The following ZNF99 variants were observed in gnomAD, a reference collection of about 807,000 sequenced individuals.
ZNF99 encodes the protein zinc finger protein 99.
A neutral mutation model predicts 12.8 loss-of-function variants in ZNF99; 8 were observed. That is an observed-to-expected ratio of 0.62 (90% CI 0.37 to 1.13). The LOEUF (loss-of-function observed/expected upper bound fraction) is 1.13. ZNF99 is among the 50% of genes most tolerant of loss of function. ZNF99 has a pLI of 0.02. For missense variants in ZNF99, 1,007 were observed against 1,006.2 expected (o/e 1.00, Z -0.01); for synonymous variants, 318 against 319.0 (o/e 1.00, Z 0.03).
intron 3 of ZNF99, 146 bp from the exon 4 acceptor site, chr19:22,759,828 A>G (rs1973130995): frequency 5.3e-6 from 3 of 562,784 alleles, no homozygotes; most frequent in Non-Finnish European, 8.7e-6. Context: ...ATAGACATAT[A>G]AATGTAATAA....
In ZNF99 at chr19:22,754,766, T is replaced by TC; in HGVS notation, c.*2547_*2548insG. The TC allele has an allele frequency of 4.5e-6, 1 of 223,280 alleles. No homozygotes were observed. Among genetic ancestry groups the TC allele is most frequent in the Non-Finnish European group, 9.0e-6 (1 of 110,514 alleles). The allele number at this position is 223,280 out of a possible 1,614,324, so 13.8% of individuals were successfully genotyped here. On this transcript the variant is annotated 3_prime_UTR_variant, in exon 4 of 4. Coordinates refer to ENST00000596209, the MANE Select transcript of ZNF99 (RefSeq NM_001080409.3). ...TAGGGTTTCTCTTCAGTATAAATTG[T>TC]TTATTAAGAATTGAAGAATTAGGCT...
Position 22,756,909 on chromosome 19 carries a change from A to C in ZNF99, c.*405T>G. ...TACAGTATGAATTACCTTATGTTCC[A>C]TAAGTTTTGAGACCACTTAAAAGCT... On this transcript the variant is annotated 3_prime_UTR_variant, in exon 4 of 4. Coordinates refer to ENST00000596209, the MANE Select transcript of ZNF99 (RefSeq NM_001080409.3). 1.9e-6 allele frequency: 3 copies of C among 1,604,252 alleles called. No individual in the cohort carries two copies. The highest frequency in any genetic ancestry group is 2.6e-6 in the Non-Finnish European group (3 of 1,175,880).
At chr19:22,780,708 AT>A (rs1343895016) in intron 1 of ZNF99, among the ~76,000 whole-genome samples, 1 of 151,916 alleles carries the variant, frequency 6.6e-6, no homozygotes, top group African/African-American at 2.4e-5. Context: ...AAAAAAAAAA[AT>A]CATGTAGCAA....
intron 3 of ZNF99, among the ~76,000 whole-genome samples, chr19:22,765,329 G>T (rs1973192283): frequency 1.3e-5 from 2 of 152,172 alleles, no homozygotes; most frequent in South Asian, 4.2e-4. Flanking sequence ...TTGGGGACTT[G>T]GGGGGAAGAG....
chr19:22,776,278 G>GAGGCGA (rs928842545), intron 1 of ZNF99, among the ~76,000 whole-genome samples: 2 of 150,328 alleles, frequency 1.3e-5, no homozygotes, highest in Non-Finnish European at 3.0e-5. Flanking sequence ...TTGAACCCAG[G>GAGGCGA]AGGCGAAGGT....
At chr19:22,762,795 TG>T (rs1191756886) in intron 3 of ZNF99, among the ~76,000 whole-genome samples, 2 of 152,142 alleles carry the variant, frequency 1.3e-5, no homozygotes, top group African/African-American at 4.8e-5. Context: ...CATGATCAAG[TG>T]GGTTTCATAC....
At chr19:22,769,415 A>G (rs1321628397) in intron 1 of ZNF99, 91 bp from the exon 2 acceptor site, 7 of 1,406,486 alleles carry the variant, frequency 5.0e-6, no homozygotes, top group Non-Finnish European at 6.8e-6. Flanking sequence ...GAGAGTAAAG[A>G]GAACAGGTTC....
Position 22,758,730 on chromosome 19 carries a change from TC to T in ZNF99, c.1178del (p.Gly393AspfsTer25). The T allele has an allele frequency of 6.2e-7, 1 of 1,613,704 alleles. No individual in the cohort carries two copies. Among genetic ancestry groups the T allele is most frequent in the Non-Finnish European group, 8.5e-7 (1 of 1,179,780 alleles). ...ATTCTTCACATTTGTAGGGTTTCTGTCCAGTATGAATTATCTCATGTTTTCT... is the reference window on the plus strand; with the variant it reads ...ATTCTTCACATTTGTAGGGTTTCTGTCAGTATGAATTATCTCATGTTTTCT... Reference protein sequence around the residue: ...ALRKHEIIHTGQKPYKCEECG... With the variant: ...ALRKHEIIHTXQKPYKCEECG... On this transcript the variant is annotated frameshift_variant, in exon 4 of 4. Transcript: ENST00000596209. LOFTEE classifies it low-confidence loss of function (END_TRUNC).
At chr19:22,776,428 T>G (rs1207462093) in intron 1 of ZNF99, among the ~76,000 whole-genome samples, 21 of 29,782 alleles carry the variant, frequency 7.1e-4, no homozygotes, top group African/African-American at 3.0e-3. Context: ...TATATATATA[T>G]ATATATATAT....
intron 1 of ZNF99, chr19:22,773,787 G>C (rs556802340): frequency 2.0e-5 from 3 of 152,240 alleles, no homozygotes; most frequent in Admixed American, 6.5e-5. Context: ...TTGAGGCAGA[G>C]CTCACAGCTG....
chr19:22,759,002 G>A lies in ZNF99; in HGVS notation c.907C>T (p.His303Tyr). The change falls in exon 4 of 4, where the codon CAT becomes TAT. Residue 303 changes from histidine (H) to tyrosine (Y), a missense_variant. Coordinates refer to ENST00000596209, the MANE Select transcript of ZNF99 (RefSeq NM_001080409.3). ...TTCTCTCCAGTATGAATTGCTTTAT[G>A]TCTAGTAAGGTGTGAGGATTGCTTA... is the stretch of plus-strand genomic sequence containing the variant. ...AFKQSSHLTRHKAIHTGEKPY... is the reference protein window; with the variant it reads ...AFKQSSHLTRYKAIHTGEKPY... 6.2e-7 allele frequency: 1 copy of A among 1,613,802 alleles called. No individual in the cohort carries two copies. Among genetic ancestry groups the A allele is most frequent in the Non-Finnish European group, 8.5e-7 (1 of 1,179,870 alleles).
At chr19:22,764,837 CAG>C (rs1210404450) in intron 3 of ZNF99, among the ~76,000 whole-genome samples, 2 of 152,146 alleles carry the variant, frequency 1.3e-5, no homozygotes, top group Admixed American at 6.6e-5. Context: ...AATAAAAAAA[CAG>C]ATGTTGGTGT....
In ZNF99 at chr19:22,757,280, T is replaced by C. The variant is rs745877999; in HGVS notation, c.*34A>G. Reference sequence around the variant, plus strand: ...GGAATTGTTAAAAGCTTTGCCACATTCTTCACATTTGTAGGGTTTCTTTCC... The same window carrying C: ...GGAATTGTTAAAAGCTTTGCCACATCCTTCACATTTGTAGGGTTTCTTTCC... On this transcript the variant is annotated 3_prime_UTR_variant, in exon 4 of 4. Coordinates refer to ENST00000596209, the MANE Select transcript of ZNF99 (RefSeq NM_001080409.3). 1.3e-5 allele frequency: 21 copies of C among 1,611,160 alleles called. No individual in the cohort carries two copies. The highest frequency in any genetic ancestry group is 1.7e-6 in the Non-Finnish European group (2 of 1,178,378).
intron 1 of ZNF99, among the ~76,000 whole-genome samples, chr19:22,781,115 T>C (rs984111570): frequency 6.6e-6 from 1 of 152,182 alleles, no homozygotes; most frequent in Non-Finnish European, 1.5e-5. Context: ...CTGAAACCCA[T>C]CTCTTTTTTG....
chr19:22,758,113 C>A lies in ZNF99; in HGVS notation c.1796G>T (p.Gly599Val). 6.2e-7 allele frequency: 1 copy of A among 1,611,730 alleles called. No individual in the cohort carries two copies. The highest frequency in any genetic ancestry group is 8.5e-7 in the Non-Finnish European group (1 of 1,178,372). ...GGCTGAGAAGTGGTTAAAAGCTTTG[C>A]CACATTCTTCACATTTGTAGGGTTT... The part of the protein sequence containing the change: ...GEKPYKCEEC[G>V]KAFNHFSALR... The change falls in exon 4 of 4, where the codon GGC becomes GTC. Residue 599 changes from glycine (G) to valine (V), a missense_variant. By Grantham distance (109) the Gly-to-Val change is moderately radical. Coordinates refer to ENST00000596209, the MANE Select transcript of ZNF99 (RefSeq NM_001080409.3).
chr19:22,753,941 G>A lies in ZNF99; in HGVS notation c.*3373C>T, dbSNP rs1261097885. ...GCTTTGTGACATGACTCACATCTAGGGCTTCTTGACACTATGATTTCTTTT... is the reference window on the plus strand; with the variant it reads ...GCTTTGTGACATGACTCACATCTAGAGCTTCTTGACACTATGATTTCTTTT... On this transcript the variant is annotated 3_prime_UTR_variant, in exon 4 of 4. Coordinates refer to ENST00000596209, the MANE Select transcript of ZNF99 (RefSeq NM_001080409.3). The A allele has an allele frequency of 2.3e-6, 1 of 433,150 alleles. No homozygotes were observed. Among genetic ancestry groups the A allele is most frequent in the Non-Finnish European group, 4.7e-6 (1 of 214,082 alleles). 26.8% of individuals were successfully genotyped at this position (433,150 alleles called of 1,614,324 possible). A position where few individuals can be genotyped will look rare whatever the true frequency, so the allele number is the denominator to read the frequency against.
At position 22,757,463 on chromosome 19, in the gene ZNF99, A is replaced by T. The variant is rs878954375; in HGVS notation, c.2446T>A (p.Ser816Thr). The T allele has an allele frequency of 6.3e-7, 1 of 1,590,566 alleles. No homozygotes were observed. Among genetic ancestry groups the T allele is most frequent in the South Asian group, 1.1e-5 (1 of 90,312 alleles). ...KHEIIHTGEK[S>T]YKCEECGKAF... Reference sequence around the variant, plus strand: ...TTACCACATTCTTCACATTTGTAGGATTTCTCTCCAGTATGAATTATCTCA... The same window carrying T: ...TTACCACATTCTTCACATTTGTAGGTTTTCTCTCCAGTATGAATTATCTCA... The change falls in exon 4 of 4, where the codon TCC (serine) becomes ACC (threonine). Residue 816 changes from serine to threonine, a missense_variant. Coordinates refer to ENST00000596209, the MANE Select transcript of ZNF99 (RefSeq NM_001080409.3).
chr19:22,757,608 G>A lies in ZNF99; in HGVS notation c.2301C>T (p.Gly767=). The change falls in exon 4 of 4, where the codon GGC becomes GGT. Residue 767 remains glycine, a synonymous_variant. Transcript: ENST00000596209. ...AEKPCKCEEC[G]KAFKHFSALR... is the part of the protein sequence containing the mutation. ...GGGCTGAGAAATGCTTAAAAGCTTTGCCACATTCTTCACATTTGCAGGGTT... is the reference window on the plus strand; with the variant it reads ...GGGCTGAGAAATGCTTAAAAGCTTTACCACATTCTTCACATTTGCAGGGTT... 1 of 1,610,824 alleles carries A rather than the reference G, an allele frequency of 6.2e-7. No homozygotes were observed. Among genetic ancestry groups the A allele is most frequent in the Admixed American group, 1.7e-5 (1 of 59,882 alleles).
rs147985676 is a variant in ZNF99, at chr19:22,753,719, A to C, written c.*3595T>G. ...AATTGCATTTTTAATATTTGTTTTA[A>C]GTATAAACTCTGTGATGTTAAGATG... On this transcript the variant is annotated 3_prime_UTR_variant, in exon 4 of 4. Transcript: ENST00000596209. 6.3e-6 allele frequency: 1 copy of C among 158,040 alleles called. No individual in the cohort carries two copies. The highest frequency in any genetic ancestry group is 2.4e-5 in the African/African-American group (1 of 41,638). The allele number at this position is 158,040 out of a possible 1,614,324, so 9.8% of individuals were successfully genotyped here. A position where few individuals can be genotyped will look rare whatever the true frequency, so the allele number is the denominator to read the frequency against.
Sources: allele counts gnomAD v4.1 joint callset (sites outside exome capture counted in the v4.1 genomes callset), GRCh38; gene constraint gnomAD v4.1.1; transcripts MANE v1.5; gene names NCBI Gene and HGNC (gene_info 2026-07-23, HGNC 2026-07-21).